RGS3: variants seen among roughly 807,000 people sequenced by gnomAD.
The protein encoded by RGS3 is regulator of G-protein signalling 3.
In RGS3, 80 loss-of-function variants were observed where a neutral mutation model predicts 132.6. The observed-to-expected ratio is 0.60, with a 90% confidence interval of 0.50 to 0.73. The LOEUF is 0.73. RGS3 is among the 30% of genes least tolerant of loss of function. RGS3 has a pLI of 0.00. For synonymous variants in RGS3, 598 were observed against 620.6 expected (o/e 0.96, Z 0.54); for missense variants, 1,382 against 1,530.8 (o/e 0.90, Z 1.62).
intron 17 of RGS3, among the ~76,000 whole-genome samples, chr9:113,526,581 C>T (rs1007219475): frequency 6.6e-6 from 1 of 152,146 alleles, no homozygotes; most frequent in Non-Finnish European, 1.5e-5. Context: ...AGAATGGGGA[C>T]AATACCCCTT....
intron 19 of RGS3, among the ~76,000 whole-genome samples, chr9:113,563,223 A>C (rs1833864093): frequency 6.6e-6 from 1 of 152,116 alleles, no homozygotes. Context: ...ATAGGGCGTA[A>C]TTTTGGAGTC....
intron 19 of RGS3, among the ~76,000 whole-genome samples, chr9:113,566,934 C>A (rs562421521): frequency 1.3e-4 from 20 of 152,374 alleles, no homozygotes; most frequent in African/African-American, 4.8e-4. Context: ...CACCTCCCCT[C>A]TTCCCCAGCC....
At chr9:113,557,656 A>G (rs925966240) in intron 19 of RGS3, among the ~76,000 whole-genome samples, 2 of 152,344 alleles carry the variant, frequency 1.3e-5, no homozygotes, top group East Asian at 3.9e-4. Flanking sequence ...CAGAGCTGAC[A>G]GTCTAATGTG....
chr9:113,553,636 G>A (rs1470724139), intron 19 of RGS3, among the ~76,000 whole-genome samples: 1 of 151,190 alleles, frequency 6.6e-6, no homozygotes, highest in Non-Finnish European at 1.5e-5. Context: ...GAGGTCAGGA[G>A]TTCGAGACCA....
At chr9:113,459,974 G>A (rs952516746), upstream of RGS3, among the ~76,000 whole-genome samples, 1 of 150,976 alleles carries the variant, frequency 6.6e-6, no homozygotes, top group African/African-American at 2.4e-5. Context: ...TTGGGAGGCG[G>A]AGGTTGCAGT....
exon 19 of RGS3, chr9:113,536,912 C>G (rs1832704515): frequency 6.2e-7 from 1 of 1,614,014 alleles, no homozygotes; most frequent in Non-Finnish European, 8.5e-7. Flanking sequence ...CACCCCCGGA[C>G]AGCAAGGTAA....
chr9:113,572,141 AAG>A (rs1834318138), intron 19 of RGS3, among the ~76,000 whole-genome samples: 1 of 152,056 alleles, frequency 6.6e-6, no homozygotes, highest in African/African-American at 2.4e-5. Flanking sequence ...CTGGAGGGAA[AAG>A]AGGAGAAACG....
At position 113,447,329 on chromosome 9, in the gene RGS3, GTATATATATA is replaced by G. The variant is rs60991619; in HGVS notation, c.-13+2425_-13+2434del. On this transcript the variant is annotated intron_variant, in intron 1 of 25. Coordinates refer to the RGS3 transcript ENST00000374140. The stretch of plus-strand genomic sequence containing the variant: ...CCAATAAATTCTGATGTATGTATAT[GTATATATATA>G]TATATATATATATATATATATAGGC... Among the ~76,000 whole-genome samples, 87 of 27,554 alleles carry G rather than the reference GTATATATATA, an allele frequency of 3.2e-3. 7 individuals carry two copies. In the East Asian group the frequency reaches 0.041, roughly 13 times the overall value. The allele number at this position is 27,554 out of a possible 152,430, so 18.1% of individuals were successfully genotyped here. A position where few individuals can be genotyped will look rare whatever the true frequency, so the allele number is the denominator to read the frequency against.
intron 19 of RGS3, chr9:113,581,030 G>GC: frequency 1.1e-6 from 1 of 888,756 alleles, no homozygotes; most frequent in Non-Finnish European, 1.3e-6. Flanking sequence ...CAGGGGGTGG[G>GC]TCGGGGGGAG....
chr9:113,490,987 A>G (rs1423621426), intron 7 of RGS3, among the ~76,000 whole-genome samples: 1 of 133,352 alleles, frequency 7.5e-6, no homozygotes, highest in African/African-American at 2.9e-5. Flanking sequence ...TAATTATTAT[A>G]TATTGGTATA....
In RGS3 at chr9:113,565,353, T is replaced by A. The variant is rs1253028769; in HGVS notation, c.2038-18097T>A. The A allele has an allele frequency of 1.6e-6, 2 of 1,288,276 alleles. No homozygotes were observed. The highest frequency in any genetic ancestry group is 2.5e-5 in the South Asian group (2 of 81,250). 79.8% of individuals were successfully genotyped at this position (1,288,276 alleles called of 1,614,324 possible). A position where few individuals can be genotyped will look rare whatever the true frequency, so the allele number is the denominator to read the frequency against. On this transcript the variant is annotated intron_variant, in intron 19 of 24. Coordinates refer to ENST00000350696, the Ensembl canonical transcript of RGS3. The surrounding 1 kb of genome is among the most constrained non-coding windows in gnomAD (Gnocchi z 5.7). Reference sequence around the variant, plus strand: ...TCTCTCCAGAGTGGCGGTGGCCGGCTAGACAGGGTGTGTGTTTGGGAAAGG... The same window carrying A: ...TCTCTCCAGAGTGGCGGTGGCCGGCAAGACAGGGTGTGTGTTTGGGAAAGG...
chr9:113,557,380 A>G (rs1890992), intron 19 of RGS3, among the ~76,000 whole-genome samples: 18,196 of 152,200 alleles, frequency 0.12, 1,308 homozygotes, highest in African/African-American at 0.19. Context: ...CATTTCATCA[A>G]TAGTCCCTGG....
At chr9:113,450,535 G>T (rs1468699660) in intron 1 of RGS3, among the ~76,000 whole-genome samples, 1 of 152,168 alleles carries the variant, frequency 6.6e-6, no homozygotes, top group Non-Finnish European at 1.5e-5. Flanking sequence ...CAGAGAGAAG[G>T]GTGGAGGCAG....
At chr9:113,476,086 G>A (rs541299884) in intron 3 of RGS3, among the ~76,000 whole-genome samples, 3 of 152,254 alleles carry the variant, frequency 2.0e-5, no homozygotes, top group African/African-American at 4.8e-5. Context: ...TATAGGATGT[G>A]CCACTATGCT....
chr9:113,447,750 G>A (rs1396203036), intron 1 of RGS3, among the ~76,000 whole-genome samples: 2 of 151,600 alleles, frequency 1.3e-5, no homozygotes, highest in Non-Finnish European at 1.5e-5. Context: ...CATATTAGGT[G>A]CAGCATCCAA....
Position 113,483,222 on chromosome 9 carries a change from G to A in RGS3, c.525+105G>A, listed in dbSNP as rs779481064. On this transcript the variant is annotated intron_variant, in intron 5 of 24. Coordinates refer to ENST00000350696, the Ensembl canonical transcript of RGS3. ...CTGTGGGGCTGGTGACCTTTGAGGA[G>A]GCAGTTGCCATCTCACTCATCTTCT... 5.0e-4 allele frequency: 381 copies of A among 769,084 alleles called. 1 individual carries two copies. Among genetic ancestry groups the A allele is most frequent in the South Asian group, 1.5e-4 (9 of 59,984 alleles). 47.6% of individuals were successfully genotyped at this position (769,084 alleles called of 1,614,324 possible). A position where few individuals can be genotyped will look rare whatever the true frequency, so the allele number is the denominator to read the frequency against.
At chr9:113,529,010 G>T (rs776980368) in intron 17 of RGS3, among the ~76,000 whole-genome samples, 5 of 152,182 alleles carry the variant, frequency 3.3e-5, no homozygotes, top group Non-Finnish European at 5.9e-5. Flanking sequence ...AGGCTGACCC[G>T]CAGGCAAATG....
chr9:113,535,445 A>G (rs148498148), intron 18 of RGS3, among the ~76,000 whole-genome samples: 10 of 152,370 alleles, frequency 6.6e-5, no homozygotes, highest in African/African-American at 1.2e-4. Context: ...TGCTGGGATT[A>G]TAGGCATAAG....
At chr9:113,596,014 A>G (rs1030558898) in intron 24 of RGS3, among the ~76,000 whole-genome samples, 4 of 152,222 alleles carry the variant, frequency 2.6e-5, no homozygotes, top group African/African-American at 4.8e-5. Context: ...ATGCGTTCTC[A>G]TGTTTAATCC....
Sources: gnomAD v4.1 joint callset for allele counts (sites outside exome capture counted in the v4.1 genomes callset) on GRCh38, gnomAD v4.1.1 for gene constraint, Gnocchi (gnomAD v3.1) non-coding constraint, MANE v1.5 for transcripts, NCBI Gene and HGNC (gene_info 2026-07-23, HGNC 2026-07-21) for gene names.